FARP1: variants seen among roughly 807,000 people sequenced by gnomAD.
FARP1 encodes FERM, ARH/RhoGEF and pleckstrin domain protein 1.
FARP1 carries 52 observed loss-of-function variants against 128.8 expected under a neutral mutation model. That is an observed-to-expected ratio of 0.40 (90% confidence interval 0.32 to 0.51). The LOEUF is 0.51. Ranked by LOEUF, FARP1 falls within the 20% of genes least tolerant of loss-of-function variation. FARP1 has a pLI of 0.45. For missense variants in FARP1, 1,333 were observed against 1,367.9 expected, an observed-to-expected ratio of 0.97 and a Z score of 0.40; for synonymous variants, 580 against 551.8, an observed-to-expected ratio of 1.05 and a Z score of -0.72.
At chr13:98,310,052 C>G (rs1210649942) in intron 2 of FARP1, among the ~76,000 whole-genome samples, 3 of 148,862 alleles carry the variant, frequency 2.0e-5, no homozygotes, top group Admixed American at 1.4e-4. Flanking sequence ...CTCCAATCTG[C>G]TCTTTTGTTC....
intron 3 of FARP1, among the ~76,000 whole-genome samples, chr13:98,358,108 C>A (rs1393558136): frequency 6.6e-6 from 1 of 151,052 alleles, no homozygotes; most frequent in Non-Finnish European, 1.5e-5. Flanking sequence ...CTACTTCCCA[C>A]ACATTCAAGG....
chr13:98,225,724 C>T lies in FARP1; in HGVS notation c.171+12311C>T, dbSNP rs182774539. 3.7e-4 allele frequency among the ~76,000 whole-genome samples: 56 copies of T among 152,340 alleles called. 1 individual carries two copies. In the South Asian group the frequency reaches 6.4e-3, roughly 17 times the overall value. On this transcript the variant is annotated intron_variant, in intron 2 of 26. Coordinates refer to ENST00000319562, the MANE Select transcript of FARP1 (RefSeq NM_005766.4). ...AACAGCCCTCCGGCGTCCTGCCAAC[C>T]GGGCTGTTAGAGTCTTTATGTGGGT...
chr13:98,237,858 C>T (rs2139432004), intron 2 of FARP1, among the ~76,000 whole-genome samples: 2 of 152,124 alleles, frequency 1.3e-5, no homozygotes, highest in Middle Eastern at 6.8e-3. Flanking sequence ...AAAAATTAGT[C>T]AAGTGGTCGC....
At position 98,294,276 on chromosome 13, in the gene FARP1, A is replaced by G. The variant is rs1179916573; in HGVS notation, c.172-49486A>G. On this transcript the variant is annotated intron_variant, in intron 2 of 26. Transcript: ENST00000319562. Reference sequence around the variant, plus strand: ...AGTGAAGAAACTCATTTGCAAAGCCACTAACTCAAGGAGGGCAGGTTATGG... The same window carrying G: ...AGTGAAGAAACTCATTTGCAAAGCCGCTAACTCAAGGAGGGCAGGTTATGG... 5.9e-5 allele frequency among the ~76,000 whole-genome samples: 9 copies of G among 152,188 alleles called. No individual in the cohort carries two copies. The South Asian group carries it at 1.2e-3, about 21-fold the overall frequency.
chr13:98,236,669 C>G (rs977071638), intron 2 of FARP1, among the ~76,000 whole-genome samples: 4 of 151,998 alleles, frequency 2.6e-5, no homozygotes, highest in African/African-American at 9.7e-5. Context: ...CATTTACTAC[C>G]ATAAAATGAA....
chr13:98,446,171 C>CAA lies in FARP1; in HGVS notation c.2872_2873dup (p.Asn958LysfsTer67). On this transcript the variant is annotated frameshift_variant, in exon 25 of 27. Coordinates refer to ENST00000319562, the MANE Select transcript of FARP1 (RefSeq NM_005766.4). LOFTEE classifies it high-confidence loss of function. ...TGGCAGAAGCTGTGGGTGGTGTTCA[C>CAA]AAACTTCTGCCTGTTCTTCTACAAA... The CAA allele has an allele frequency of 6.2e-7, 1 of 1,613,740 alleles. No individual in the cohort carries two copies. Among genetic ancestry groups the CAA allele is most frequent in the Non-Finnish European group, 8.5e-7 (1 of 1,179,634 alleles).
chr13:98,186,717 C>G lies in FARP1; in HGVS notation c.-23-26503C>G, dbSNP rs193042743. 4.4e-3 allele frequency among the ~76,000 whole-genome samples: 666 copies of G among 151,964 alleles called. 6 individuals carry two copies. The highest frequency in any genetic ancestry group is 0.015 in the African/African-American group (618 of 41,452). On this transcript the variant is annotated intron_variant, in intron 1 of 26. Transcript: ENST00000319562. ...GTGAATAAAGATGATATGGGCCGGG[C>G]GTGGTGGCTCACACCTGTAATCCCA...
At chr13:98,248,194 A>G (rs1005454809) in intron 2 of FARP1, among the ~76,000 whole-genome samples, 2 of 152,190 alleles carry the variant, frequency 1.3e-5, no homozygotes, top group African/African-American at 4.8e-5. Context: ...TGGCATGAGT[A>G]AAGGATAGAT....
At chr13:98,211,650 C>T (rs1304661791) in intron 1 of FARP1, among the ~76,000 whole-genome samples, 1 of 152,148 alleles carries the variant, frequency 6.6e-6, no homozygotes, top group Non-Finnish European at 1.5e-5. Flanking sequence ...GTGCCTTTTC[C>T]TTGTCTGTCT....
chr13:98,281,895 T>C lies in FARP1; in HGVS notation c.172-61867T>C, dbSNP rs1884953611. Among the ~76,000 whole-genome samples the C allele has an allele frequency of 2.0e-5, 3 of 152,202 alleles. No individual in the cohort carries two copies. The South Asian group carries it at 6.2e-4, about 31-fold the overall frequency. On this transcript the variant is annotated intron_variant, in intron 2 of 26. Transcript: ENST00000319562. ...ACGCATCTTACTGCCTCAACTTCTT[T>C]TAAGGCAGATGTGAAATTCTAATGT...
intron 2 of FARP1, among the ~76,000 whole-genome samples, chr13:98,305,255 C>G (rs1886094606): frequency 6.6e-6 from 1 of 151,832 alleles, no homozygotes; most frequent in Non-Finnish European, 1.5e-5. Context: ...CATTTGGGTA[C>G]TCATGCATTT....
intron 6 of FARP1, among the ~76,000 whole-genome samples, chr13:98,378,866 T>C (rs1448186557): frequency 7.1e-6 from 1 of 140,912 alleles, no homozygotes; most frequent in Non-Finnish European, 1.5e-5. Context: ...AATAGGTATC[T>C]TTATTAAGCC....
At chr13:98,143,977 G>T (rs1246344876) in intron 1 of FARP1, among the ~76,000 whole-genome samples, 1 of 152,120 alleles carries the variant, frequency 6.6e-6, no homozygotes, top group Admixed American at 6.5e-5. Flanking sequence ...GCGGCGCGAG[G>T]GTTCCCGGCG....
At chr13:98,338,160 A>G (rs943292555) in intron 2 of FARP1, among the ~76,000 whole-genome samples, 1 of 152,222 alleles carries the variant, frequency 6.6e-6, no homozygotes, top group Non-Finnish European at 1.5e-5. Flanking sequence ...CCGTTTTTAC[A>G]TGTGTAGTTC....
chr13:98,174,735 GATATGTTGAT>G (rs1877878809), intron 1 of FARP1, among the ~76,000 whole-genome samples: 1 of 152,004 alleles, frequency 6.6e-6, no homozygotes, highest in African/African-American at 2.4e-5. Context: ...TACAATAATC[GATATGTTGAT>G]AGCACATACT....
chr13:98,330,835 G>A (rs1887477748), intron 2 of FARP1, among the ~76,000 whole-genome samples: 1 of 152,136 alleles, frequency 6.6e-6, no homozygotes, highest in African/African-American at 2.4e-5. Context: ...AGTGTCATGA[G>A]TGTCCACAGA....
intron 2 of FARP1, among the ~76,000 whole-genome samples, chr13:98,290,078 GGTGGCGAGGAGGGA>G (rs1461292039): frequency 1.3e-5 from 2 of 149,712 alleles, no homozygotes; most frequent in Non-Finnish European, 3.0e-5. Context: ...TTTGGTGTTG[GGTGGCGAGGAGGGA>G]GTGGTGAGGT....
chr13:98,282,041 A>G (rs1056654682), intron 2 of FARP1, among the ~76,000 whole-genome samples: 8 of 152,330 alleles, frequency 5.3e-5, no homozygotes, highest in Admixed American at 2.0e-4. Flanking sequence ...GCAGTGGCTC[A>G]CGCCTATAAT....
intron 13 of FARP1, chr13:98,400,655 G>T (rs1890725470): frequency 6.6e-6 from 1 of 152,164 alleles, no homozygotes. Flanking sequence ...ACCTTATTCT[G>T]ATTAGCTAGA....
Sources: gnomAD v4.1 joint callset for allele counts (sites outside exome capture counted in the v4.1 genomes callset) on GRCh38, gnomAD v4.1.1 for gene constraint, MANE v1.5 for transcripts, NCBI Gene and HGNC (gene_info 2026-07-23, HGNC 2026-07-21) for gene names.